Variants in TET2 observed in about 807,000 individuals in gnomAD.
TET2 encodes the protein methylcytosine dioxygenase TET2.
TET2 carries 299 observed loss-of-function variants against 142.9 expected under a neutral mutation model. The ratio of observed to expected loss-of-function variants is 2.09; its 90% CI spans 1.90 to 2.30. The LOEUF is 2.30. TET2 is among the 30% of genes most tolerant of loss of function. TET2 has a pLI of 0.00. For missense variants in TET2, 2,418 were observed against 2,378.0 expected (o/e 1.02, Z -0.35); for synonymous variants, 819 against 849.0 (o/e 0.96, Z 0.61).
rs1309896276 is a variant in TET2 at position 105,277,312 on chromosome 4, G to T, written c.*793G>T. On this transcript the variant is annotated 3_prime_UTR_variant, in exon 11 of 11. Transcript: ENST00000380013. ...AAGGCCTCTGGATTTTGCTCATCCA[G>T]TGAAGTCCTTGTAGGACAATAAACG... 1.3e-5 allele frequency: 3 copies of T among 225,604 alleles called. No homozygotes were observed. Among genetic ancestry groups the T allele is most frequent in the Admixed American group, 1.1e-4 (2 of 17,522 alleles). The allele number at this position is 225,604 out of a possible 1,614,324, so 14.0% of individuals were successfully genotyped here. A position where few individuals can be genotyped will look rare whatever the true frequency, so the allele number is the denominator to read the frequency against.
chr4:105,275,097 G>GCCTC lies in TET2; in HGVS notation c.4588_4591dup (p.Leu1531ProfsTer48). On this transcript the variant is annotated frameshift_variant, in exon 11 of 11. Coordinates refer to ENST00000380013, the MANE Select transcript of TET2 (RefSeq NM_001127208.3). LOFTEE classifies it low-confidence loss of function (END_TRUNC). Reference sequence around the variant, plus strand: ...TCATGCAGCAGTCCCAGCAGCCCCAGCCTCTACAGAAGCAGCCACCACAGC... The same window carrying GCCTC: ...TCATGCAGCAGTCCCAGCAGCCCCAGCCTCCCTCTACAGAAGCAGCCACCACAGC... 1 of 1,550,704 alleles carries GCCTC rather than the reference G, an allele frequency of 6.4e-7. No homozygotes were observed. The highest frequency in any genetic ancestry group is 8.7e-7 in the Non-Finnish European group (1 of 1,146,474).
chr4:105,163,854 A>AGAGAGAGAGT (rs1553942671), intron 1 of TET2, among the ~76,000 whole-genome samples: 66 of 85,216 alleles, frequency 7.7e-4, no homozygotes, highest in South Asian at 1.9e-3. Flanking sequence ...AGAGAGAGAG[A>AGAGAGAGAGT]GTGTGTGTGT....
intron 1 of TET2, among the ~76,000 whole-genome samples, chr4:105,188,385 T>C (rs1342117106): frequency 6.6e-6 from 1 of 152,174 alleles, no homozygotes; most frequent in African/African-American, 2.4e-5. Context: ...TGGGAAGTTA[T>C]TGTTTAATGA....
Position 105,234,630 on chromosome 4 carries a change from C to G in TET2, c.688C>G (p.Leu230Val). 1.9e-6 allele frequency: 3 copies of G among 1,614,142 alleles called. No homozygotes were observed. The highest frequency in any genetic ancestry group is 1.1e-5 in the South Asian group (1 of 91,082). ...ACATGGTGAACTCCTGGAAAAAACA[C>G]TGTCTCAATATTATCCAGATTGTGT... ...HTHGELLEKT[L>V]SQYYPDCVSI... Residue 230 changes from leucine (L) to valine (V), a missense_variant, in exon 3 of 11, where the codon CTG (leucine) becomes GTG (valine). By Grantham distance (32) the Leu-to-Val change is conservative. Transcript: ENST00000380013.
At chr4:105,210,586 A>G (rs1727100541) in intron 2 of TET2, among the ~76,000 whole-genome samples, 2 of 152,198 alleles carry the variant, frequency 1.3e-5, no homozygotes, top group African/African-American at 2.4e-5. Context: ...CTTATTCGAA[A>G]TAGAAGCCTT....
At chr4:105,208,216 G>A (rs1726940521) in intron 2 of TET2, among the ~76,000 whole-genome samples, 1 of 151,914 alleles carries the variant, frequency 6.6e-6, no homozygotes, top group Non-Finnish European at 1.5e-5. Context: ...ATGTTTTTAA[G>A]GCTCTCATCT....
rs1378125154 is a variant in TET2, at chr4:105,224,187, AAAAC to A, written c.-46-9706_-46-9703del. ...AAGCAATAAACCAAAAAATAAAACA[AAAAC>A]AAAATCAAGCCCTCTTCACAAATTT... On this transcript the variant is annotated intron_variant, in intron 2 of 10. Coordinates refer to ENST00000380013, the MANE Select transcript of TET2 (RefSeq NM_001127208.3). 3.9e-5 allele frequency among the ~76,000 whole-genome samples: 6 copies of A among 152,252 alleles called. No individual in the cohort carries two copies. The East Asian group carries it at 1.2e-3, about 29-fold the overall frequency.
In TET2 at chr4:105,235,292, AAT is replaced by A; in HGVS notation, c.1352_1353del (p.Ile451ArgfsTer3). The part of the protein sequence containing the change: ...SNTTLLREVK[I>X]EGKPEAPPSQ... ...ACACAACACTTTTAAGGGAAGTGAA[AAT>A]AGAGGGTAAACCTGAGGCACCACCT... On this transcript the variant is annotated frameshift_variant, in exon 3 of 11. Transcript: ENST00000380013. LOFTEE classifies it high-confidence loss of function. 6.2e-7 allele frequency: 1 copy of A among 1,614,074 alleles called. No homozygotes were observed. The highest frequency in any genetic ancestry group is 1.3e-5 in the African/African-American group (1 of 75,026).
intron 2 of TET2, among the ~76,000 whole-genome samples, chr4:105,205,331 CT>C (rs1165246485): frequency 6.6e-6 from 1 of 152,010 alleles, no homozygotes; most frequent in African/African-American, 2.4e-5. Context: ...TAATTTTAGC[CT>C]GTTTTCCAAG....
chr4:105,208,768 G>A (rs1481897004), intron 2 of TET2, among the ~76,000 whole-genome samples: 1 of 151,710 alleles, frequency 6.6e-6, no homozygotes, highest in African/African-American at 2.4e-5. Context: ...CTGTTCTTTT[G>A]TGTCTTCCTG....
At chr4:105,240,990 T>C (rs978098847) in intron 3 of TET2, 2 of 1,087,236 alleles carry the variant, frequency 1.8e-6, no homozygotes, top group African/African-American at 3.3e-5. Context: ...TTTAAATGTT[T>C]TTTTTTTCCA....
At chr4:105,238,581 ACTT>A (rs1164814957) in intron 3 of TET2, 2 of 243,882 alleles carry the variant, frequency 8.2e-6, no homozygotes, top group Non-Finnish European at 1.7e-5. Flanking sequence ...ATAAGAAGCA[ACTT>A]CTTATCAAGT....
chr4:105,153,786 G>A (rs987695888), intron 1 of TET2, among the ~76,000 whole-genome samples: 2 of 152,178 alleles, frequency 1.3e-5, no homozygotes, highest in South Asian at 2.1e-4. Context: ...AGTGTATAAT[G>A]TGGACTATGT....
At chr4:105,254,821 G>A (rs1322118632) in intron 6 of TET2, among the ~76,000 whole-genome samples, 2 of 152,158 alleles carry the variant, frequency 1.3e-5, no homozygotes, top group African/African-American at 4.8e-5. Context: ...TATTCATTGT[G>A]AGAACCTCAT....
Position 105,276,048 on chromosome 4 carries a change from C to T in TET2, c.5538C>T (p.Val1846=). 6.4e-7 allele frequency: 1 copy of T among 1,551,684 alleles called. No homozygotes were observed. Among genetic ancestry groups the T allele is most frequent in the Non-Finnish European group, 8.7e-7 (1 of 1,146,988 alleles). The change falls in exon 11 of 11, where the codon GTC becomes GTT. Residue 1846 remains valine, a synonymous_variant. Coordinates refer to ENST00000380013, the MANE Select transcript of TET2 (RefSeq NM_001127208.3). ...VASGAEDNDE[V]WSDSEQSFLD... The stretch of plus-strand genomic sequence containing the variant: ...CTGGTGCAGAGGACAACGATGAGGT[C>T]TGGTCAGACAGCGAGCAGAGCTTTC...
chr4:105,214,939 T>A (rs1382048011), intron 2 of TET2, among the ~76,000 whole-genome samples: 1 of 152,166 alleles, frequency 6.6e-6, no homozygotes, highest in African/African-American at 2.4e-5. Flanking sequence ...GAACCCCAAC[T>A]CGAAGCTGGT....
At chr4:105,212,278 A>G (rs1447709234) in intron 2 of TET2, among the ~76,000 whole-genome samples, 1 of 152,186 alleles carries the variant, frequency 6.6e-6, no homozygotes, top group Non-Finnish European at 1.5e-5. Flanking sequence ...TTGCCAAATG[A>G]TCTATAAAGA....
At chr4:105,211,103 T>C (rs1172407976) in intron 2 of TET2, among the ~76,000 whole-genome samples, 2 of 152,232 alleles carry the variant, frequency 1.3e-5, no homozygotes, top group Admixed American at 6.5e-5. Flanking sequence ...AGCTATATCA[T>C]GCTAATTTAT....
Position 105,266,216 on chromosome 4 carries a change from A to T in TET2, c.4045-3394A>T, listed in dbSNP as rs556585786. 2.6e-5 allele frequency among the ~76,000 whole-genome samples: 4 copies of T among 152,284 alleles called. No homozygotes were observed. In the South Asian group the frequency reaches 8.3e-4, roughly 32 times the overall value. On this transcript the variant is annotated intron_variant, in intron 8 of 10. Transcript: ENST00000380013. Reference sequence around the variant, plus strand: ...CAGACGGAGAAGACTTCATAATACTATTCATAATTGTATTGCCTTGGTAGT... The same window carrying T: ...CAGACGGAGAAGACTTCATAATACTTTTCATAATTGTATTGCCTTGGTAGT...
Sources: allele counts gnomAD v4.1 joint callset (sites outside exome capture counted in the v4.1 genomes callset), GRCh38; gene constraint gnomAD v4.1.1; transcripts MANE v1.5; gene names NCBI Gene and HGNC (gene_info 2026-07-23, HGNC 2026-07-21).